The following ACOX2 variants were observed in gnomAD, a reference collection of about 807,000 sequenced individuals.
ACOX2 encodes acyl-CoA oxidase 2, also known as peroxisomal acyl-coenzyme A oxidase 2.
In ACOX2, 59 loss-of-function variants were observed where a neutral mutation model predicts 77.5. The ratio of observed to expected loss-of-function variants is 0.76; its 90% CI spans 0.62 to 0.95. ACOX2 has a LOEUF of 0.95. Ranked by LOEUF, ACOX2 falls within the 40% of genes least tolerant of loss-of-function variation. The pLI is 0.00. For synonymous variants in ACOX2, 317 were observed against 340.1 expected (o/e 0.93, Z 0.75); for missense variants, 837 against 880.4 (o/e 0.95, Z 0.62).
rs2063313598 is a variant in ACOX2 at position 58,515,193 on chromosome 3, G to T, written c.1850+2013C>A. 6.6e-6 allele frequency among the ~76,000 whole-genome samples: 1 copy of T among 152,112 alleles called. No individual in the cohort carries two copies. Among genetic ancestry groups the T allele is most frequent in the Non-Finnish European group, 1.5e-5 (1 of 68,010 alleles). ...GTGCCATCACACCCAGCTAATTTTT[G>T]TATTTTTAGTAGAGACCGGGTTTCA... On this transcript the variant is annotated intron_variant, in intron 13 of 14. Transcript: ENST00000302819. This position sits in a 1 kb window ranked among gnomAD's most constrained non-coding sequence, Gnocchi z 4.0.
At chr3:58,516,160 ATTATT>A (rs912385928) in intron 13 of ACOX2, among the ~76,000 whole-genome samples, 1 of 152,210 alleles carries the variant, frequency 6.6e-6, no homozygotes, top group African/African-American at 2.4e-5. Context: ...ACTTTGTGTT[ATTATT>A]TTATAAATCA....
In ACOX2 at chr3:58,531,615, C is replaced by T. The variant is rs1315906928; in HGVS notation, c.703+78G>A. 10 of 1,567,210 alleles carry T rather than the reference C, an allele frequency of 6.4e-6. No homozygotes were observed. The East Asian group carries it at 2.0e-4, about 32-fold the overall frequency. Reference sequence around the variant, plus strand: ...GACATGTCTTAGCTACTCCTGTGGCCCTCTGGGGCCCCAGGTCAGGGAGGC... The same window carrying T: ...GACATGTCTTAGCTACTCCTGTGGCTCTCTGGGGCCCCAGGTCAGGGAGGC... On this transcript the variant is annotated intron_variant, in intron 6 of 14. Coordinates refer to ENST00000302819, the MANE Select transcript of ACOX2 (RefSeq NM_003500.4). This position sits in a 1 kb window ranked among gnomAD's most constrained non-coding sequence, Gnocchi z 5.8.
In ACOX2 at chr3:58,525,453, A is replaced by G. The variant is rs1021943754; in HGVS notation, c.1347-848T>C. Among the ~76,000 whole-genome samples, 2 of 152,204 alleles carry G rather than the reference A, an allele frequency of 1.3e-5. No homozygotes were observed. The highest frequency in any genetic ancestry group is 2.9e-5 in the Non-Finnish European group (2 of 68,034). On this transcript the variant is annotated intron_variant, in intron 10 of 14. Transcript: ENST00000302819. This position sits in a 1 kb window ranked among gnomAD's most constrained non-coding sequence, Gnocchi z 5.0. Reference sequence around the variant, plus strand: ...ACAGACCTAAGAGGGATGAAAAGAAATCGCCTGTGTGGAGGAAGCTGACTT... The same window carrying G: ...ACAGACCTAAGAGGGATGAAAAGAAGTCGCCTGTGTGGAGGAAGCTGACTT...
chr3:58,506,857 A>T (rs2063238097), intron 14 of ACOX2, among the ~76,000 whole-genome samples: 1 of 152,232 alleles, frequency 6.6e-6, no homozygotes, highest in Non-Finnish European at 1.5e-5. Flanking sequence ...AGTGCAAATG[A>T]GGAAAATGTC....
Position 58,515,788 on chromosome 3 carries a change from C to T in ACOX2, c.1850+1418G>A, listed in dbSNP as rs2063318263. ...AATTTGCAATGTTTTCTTTTCTTTC[C>T]TTTTTTTGAGACAAGGTCTCACTTT... On this transcript the variant is annotated intron_variant, in intron 13 of 14. Transcript: ENST00000302819. This position sits in a 1 kb window ranked among gnomAD's most constrained non-coding sequence, Gnocchi z 4.0. Among the ~76,000 whole-genome samples, 1 of 151,414 alleles carries T rather than the reference C, an allele frequency of 6.6e-6. No individual in the cohort carries two copies. The highest frequency in any genetic ancestry group is 2.4e-5 in the African/African-American group (1 of 41,160).
chr3:58,522,478 C>T lies in ACOX2; in HGVS notation c.1632+18G>A. On this transcript the variant is annotated intron_variant, in intron 12 of 14. Transcript: ENST00000302819. The surrounding 1 kb of genome is among the most constrained non-coding windows in gnomAD (Gnocchi z 4.3). ...AAGCAAAATGGATCCCTTTCAGCTT[C>T]AGCTGGCAGGCGCTCACCTTAGCAG... 6.2e-7 allele frequency: 1 copy of T among 1,612,148 alleles called. No homozygotes were observed.
Position 58,519,343 on chromosome 3 carries a change from C to A in ACOX2, c.1633-1920G>T, listed in dbSNP as rs960412411. ...AGGTTGCAGTGAGCTGAGACCGTGC[C>A]ACTGCACTCCAGCCTGGGTGGTGGA... On this transcript the variant is annotated intron_variant, in intron 12 of 14. Transcript: ENST00000302819. This position sits in a 1 kb window ranked among gnomAD's most constrained non-coding sequence, Gnocchi z 5.0. Among the ~76,000 whole-genome samples the A allele has an allele frequency of 1.3e-5, 2 of 151,790 alleles. No individual in the cohort carries two copies. Among genetic ancestry groups the A allele is most frequent in the Admixed American group, 1.3e-4 (2 of 15,248 alleles).
chr3:58,530,952 T>C (rs1048271985), intron 7 of ACOX2, among the ~76,000 whole-genome samples: 1 of 152,098 alleles, frequency 6.6e-6, no homozygotes, highest in African/African-American at 2.4e-5. Flanking sequence ...TCACTGTGGG[T>C]AAATATTATG....
rs983413533 is a variant in ACOX2, at chr3:58,514,216, G to C, written c.1850+2990C>G. Among the ~76,000 whole-genome samples, 1 of 152,268 alleles carries C rather than the reference G, an allele frequency of 6.6e-6. No individual in the cohort carries two copies. The highest frequency in any genetic ancestry group is 1.9e-4 in the East Asian group (1 of 5,184). On this transcript the variant is annotated intron_variant, in intron 13 of 14. Coordinates refer to ENST00000302819, the MANE Select transcript of ACOX2 (RefSeq NM_003500.4). The surrounding 1 kb of genome is among the most constrained non-coding windows in gnomAD (Gnocchi z 4.3). ...AGCACTTTGGGAGGCTAAGGTAGGAGGATCCCTTGAGCCCAGGAGTTCAAG... is the reference window on the plus strand; with the variant it reads ...AGCACTTTGGGAGGCTAAGGTAGGACGATCCCTTGAGCCCAGGAGTTCAAG...
Position 58,526,600 on chromosome 3 carries a change from T to C in ACOX2, c.1212A>G (p.Gly404=), listed in dbSNP as rs2063397216. Residue 404 remains glycine, a synonymous_variant, in exon 10 of 15, where the codon GGA becomes GGG. Coordinates refer to ENST00000302819, the MANE Select transcript of ACOX2 (RefSeq NM_003500.4). The surrounding 1 kb of genome is among the most constrained non-coding windows in gnomAD (Gnocchi z 4.3). ...CACAGGCCCTGCGGCACATCTCAGC[T>C]CCCTGGGTGCAGAATTCTGACATCA... ...KAMMSEFCTQ[G]AEMCRRACGG... 6.2e-7 allele frequency: 1 copy of C among 1,614,146 alleles called. No homozygotes were observed. Among genetic ancestry groups the C allele is most frequent in the African/African-American group, 1.3e-5 (1 of 75,022 alleles).
At chr3:58,529,876 G>T (rs935771944) in intron 8 of ACOX2, among the ~76,000 whole-genome samples, 2 of 152,248 alleles carry the variant, frequency 1.3e-5, no homozygotes, top group Non-Finnish European at 2.9e-5. Context: ...TTCACAGAGG[G>T]TTCAGGCAGC....
In ACOX2 at chr3:58,531,590, G is replaced by T; in HGVS notation, c.703+103C>A. The T allele has an allele frequency of 6.6e-7, 1 of 1,511,354 alleles. No homozygotes were observed. 93.6% of individuals were successfully genotyped at this position (1,511,354 alleles called of 1,614,324 possible). On this transcript the variant is annotated intron_variant, in intron 6 of 14. Coordinates refer to ENST00000302819, the MANE Select transcript of ACOX2 (RefSeq NM_003500.4). The surrounding 1 kb of genome is among the most constrained non-coding windows in gnomAD (Gnocchi z 5.8). ...ACTGGACCGCTCCCTGCCCAAGGGA[G>T]ACATGTCTTAGCTACTCCTGTGGCC...
Position 58,521,779 on chromosome 3 carries a change from G to A in ACOX2, c.1632+717C>T, listed in dbSNP as rs949889611. Among the ~76,000 whole-genome samples the A allele has an allele frequency of 1.3e-5, 2 of 152,150 alleles. No individual in the cohort carries two copies. The highest frequency in any genetic ancestry group is 1.5e-5 in the Non-Finnish European group (1 of 68,024). ...CCCCTAGTCTCAGTCCTTCTCCTTA[G>A]GTCCTCCTTGGGAGATTTGCACTTC... On this transcript the variant is annotated intron_variant, in intron 12 of 14. Transcript: ENST00000302819. The surrounding 1 kb of genome is among the most constrained non-coding windows in gnomAD (Gnocchi z 4.8).
rs1576994751 is a variant in ACOX2, at chr3:58,523,631, T to C, written c.1526+795A>G. Among the ~76,000 whole-genome samples the C allele has an allele frequency of 6.6e-6, 1 of 152,138 alleles. No homozygotes were observed. Among genetic ancestry groups the C allele is most frequent in the Admixed American group, 6.6e-5 (1 of 15,262 alleles). Reference sequence around the variant, plus strand: ...TTATTAAAATTTTTTGTATTTTTGGTAGAGGTGGGGTTTCACCATGTTGCC... The same window carrying C: ...TTATTAAAATTTTTTGTATTTTTGGCAGAGGTGGGGTTTCACCATGTTGCC... On this transcript the variant is annotated intron_variant, in intron 11 of 14. Transcript: ENST00000302819. This position sits in a 1 kb window ranked among gnomAD's most constrained non-coding sequence, Gnocchi z 5.3.
intron 1 of ACOX2, among the ~76,000 whole-genome samples, chr3:58,536,555 C>T (rs555955880): frequency 6.6e-6 from 1 of 152,164 alleles, no homozygotes; most frequent in Non-Finnish European, 1.5e-5. Flanking sequence ...CTCTGCCCCC[C>T]GGAGTCCTGC....
chr3:58,516,843 A>G (rs1263006011), intron 13 of ACOX2, among the ~76,000 whole-genome samples: 1 of 152,194 alleles, frequency 6.6e-6, no homozygotes, highest in Admixed American at 6.5e-5. Context: ...TCTAAAAAAA[A>G]AGAAAAGAAA....
Position 58,531,346 on chromosome 3 carries a change from C to T in ACOX2, c.724G>A (p.Gly242Arg), listed in dbSNP as rs758872116. The stretch of plus-strand genomic sequence containing the variant: ...GTTTGATCAAAGTCCATCTTGGGTC[C>T]GATGTCCCCAATGATGATTCCTTGA... ...PLPGIIIGDI[G>R]PKMDFDQTDN... is the part of the protein sequence containing the mutation. Residue 242 changes from glycine to arginine, a missense_variant, in exon 7 of 15, where the codon GGA (glycine) becomes AGA (arginine). Transcript: ENST00000302819. This position sits in a 1 kb window ranked among gnomAD's most constrained non-coding sequence, Gnocchi z 5.8. The T allele has an allele frequency of 1.8e-5, 29 of 1,613,876 alleles. No individual in the cohort carries two copies. In the East Asian group the frequency reaches 2.0e-4, roughly 11 times the overall value.
Position 58,534,080 on chromosome 3 carries a change from C to T in ACOX2, c.389G>A (p.Gly130Asp), listed in dbSNP as rs184186916. ...CCATTTGGCAATCTGCTCCTCTGAG[C>T]CCAGGCTCCTGAGGGCTCTCACGAA... ...RVFVRALRSL[G>D]SEEQIAKWDP... The change falls in exon 4 of 15, where the codon GGC (glycine) becomes GAC (aspartate). Residue 130 changes from glycine (G) to aspartate (D), a missense_variant. By Grantham distance (94) the Gly-to-Asp change is moderately conservative (BLOSUM62 -1). Transcript: ENST00000302819. This position sits in a 1 kb window ranked among gnomAD's most constrained non-coding sequence, Gnocchi z 4.8. 1.9e-5 allele frequency: 30 copies of T among 1,614,156 alleles called. No individual in the cohort carries two copies. In the Admixed American group the frequency reaches 3.8e-4, roughly 21 times the overall value.
intron 13 of ACOX2, among the ~76,000 whole-genome samples, chr3:58,510,113 A>G (rs2063267372): frequency 6.6e-6 from 1 of 151,940 alleles, no homozygotes. Context: ...GGGCCTCCCA[A>G]TATAGTTATA....
Sources: gnomAD v4.1 joint callset for allele counts (sites outside exome capture counted in the v4.1 genomes callset) on GRCh38, gnomAD v4.1.1 for gene constraint, Gnocchi (gnomAD v3.1) non-coding constraint, MANE v1.5 for transcripts, NCBI Gene and HGNC (gene_info 2026-07-23, HGNC 2026-07-21) for gene names.